DSCAM: variants seen among roughly 807,000 people sequenced by gnomAD.
DSCAM encodes cell adhesion molecule DSCAM.
DSCAM carries 47 observed loss-of-function variants against 217.7 expected under a neutral mutation model. The ratio of observed to expected loss-of-function variants is 0.22; its 90% CI spans 0.17 to 0.28. The LOEUF (loss-of-function observed/expected upper bound fraction) is 0.28, where lower values mean the gene tolerates loss of function less well. Ranked by LOEUF, DSCAM falls within the 10% of genes least tolerant of loss-of-function variation. The probability of loss-of-function intolerance (pLI) is 1.00; values close to 1 mark genes in which losing one functional copy is unlikely to be tolerated. For synonymous variants in DSCAM, 1,056 were observed against 1,015.3 expected (o/e 1.04, Z -0.76); for missense variants, 2,080 against 2,618.3 (o/e 0.79, Z 4.49).
intron 1 of DSCAM, among the ~76,000 whole-genome samples, chr21:40,827,091 C>T (rs1232887746): frequency 1.3e-5 from 2 of 151,992 alleles, no homozygotes; most frequent in African/African-American, 4.8e-5. Flanking sequence ...AGGGAAGAAG[C>T]TCACCAAAGA....
intron 1 of DSCAM, among the ~76,000 whole-genome samples, chr21:40,821,223 T>TA (rs1285717072): frequency 1.3e-5 from 2 of 151,244 alleles, no homozygotes; most frequent in Non-Finnish European, 2.9e-5. Context: ...TTTCACAACT[T>TA]AAGAGTCAGT....
At chr21:40,258,116 T>C (rs532272872) in intron 11 of DSCAM, among the ~76,000 whole-genome samples, 1 of 152,300 alleles carries the variant, frequency 6.6e-6, no homozygotes, top group Admixed American at 6.5e-5. Context: ...GCATCTGACC[T>C]GCATCTCCGG....
intron 1 of DSCAM, among the ~76,000 whole-genome samples, chr21:40,776,672 G>A (rs940273226): frequency 6.6e-6 from 1 of 152,152 alleles, no homozygotes; most frequent in African/African-American, 2.4e-5. Flanking sequence ...GATTTAAGGT[G>A]AAGGTGGAAA....
Position 40,466,823 on chromosome 21 carries a change from T to C in DSCAM, c.509-97578A>G, listed in dbSNP as rs367726447. On this transcript the variant is annotated intron_variant, in intron 3 of 32. Transcript: ENST00000400454. ...AGAGTGGACAAGGTTCCAATGATACTGTGGCTTCTCCCGGACAAATACATG... is the reference window on the plus strand; with the variant it reads ...AGAGTGGACAAGGTTCCAATGATACCGTGGCTTCTCCCGGACAAATACATG... 3.1e-4 allele frequency among the ~76,000 whole-genome samples: 47 copies of C among 152,354 alleles called. No individual in the cohort carries two copies. The South Asian group carries it at 9.1e-3, about 30-fold the overall frequency.
chr21:40,138,994 T>C (rs1267435341), intron 18 of DSCAM, among the ~76,000 whole-genome samples: 1 of 140,904 alleles, frequency 7.1e-6, no homozygotes, highest in Non-Finnish European at 1.5e-5. Context: ...CCTGGGGTTA[T>C]GGTGTGTGGT....
At chr21:40,426,631 T>A (rs1301134369) in intron 3 of DSCAM, among the ~76,000 whole-genome samples, 1 of 152,098 alleles carries the variant, frequency 6.6e-6, no homozygotes, top group Non-Finnish European at 1.5e-5. Context: ...TTCTAGAGAG[T>A]ACTATGACAT....
intron 14 of DSCAM, among the ~76,000 whole-genome samples, chr21:40,180,457 C>T (rs1882788): frequency 0.068 from 10,267 of 151,876 alleles, 1,111 homozygotes; most frequent in African/African-American, 0.23. Context: ...ACATGAAATA[C>T]AAAGAGTTGG....
At chr21:40,205,365 G>A (rs2146865921) in intron 11 of DSCAM, among the ~76,000 whole-genome samples, 1 of 152,268 alleles carries the variant, frequency 6.6e-6, no homozygotes, top group African/African-American at 2.4e-5. Context: ...CACTTTGGGA[G>A]GCCAAGGCAG....
intron 27 of DSCAM, 38 bp downstream of exon 27, chr21:40,074,999 G>A (rs746223683): frequency 6.2e-7 from 1 of 1,605,738 alleles, no homozygotes. Flanking sequence ...CAGAGCAGCA[G>A]GGGACACGCG....
chr21:40,062,797 T>C (rs2089143445), intron 28 of DSCAM, 72 bp downstream of exon 28: 1 of 1,419,058 alleles, frequency 7.0e-7, no homozygotes, highest in Non-Finnish European at 9.5e-7. Context: ...ATTAAAAAAA[T>C]AGAAATCATC....
chr21:40,746,748 C>T (rs1207992412), intron 1 of DSCAM, among the ~76,000 whole-genome samples: 2 of 151,816 alleles, frequency 1.3e-5, no homozygotes, highest in Non-Finnish European at 2.9e-5. Context: ...GAACTTTCCA[C>T]CCAATAGATT....
chr21:40,463,233 T>C (rs763142358), intron 3 of DSCAM, among the ~76,000 whole-genome samples: 2 of 151,920 alleles, frequency 1.3e-5, no homozygotes, highest in Non-Finnish European at 2.9e-5. Context: ...CAAGGAGTTA[T>C]CTGGGAATTT....
At chr21:40,197,011 C>T (rs1221210556) in intron 11 of DSCAM, among the ~76,000 whole-genome samples, 1 of 152,176 alleles carries the variant, frequency 6.6e-6, no homozygotes, top group Admixed American at 6.5e-5. Flanking sequence ...AAACCAGACA[C>T]CAAACACCGC....
intron 1 of DSCAM, among the ~76,000 whole-genome samples, chr21:40,764,113 G>C (rs1350195903): frequency 6.6e-6 from 1 of 152,108 alleles, no homozygotes; most frequent in Non-Finnish European, 1.5e-5. Context: ...ATTAACTAAA[G>C]AGCTTCAGCT....
chr21:40,431,272 C>A (rs192880943), intron 3 of DSCAM, among the ~76,000 whole-genome samples: 1 of 152,292 alleles, frequency 6.6e-6, no homozygotes, highest in East Asian at 1.9e-4. Context: ...CTGCCTCTGC[C>A]CCTCCTGAGA....
intron 1 of DSCAM, among the ~76,000 whole-genome samples, chr21:40,722,158 C>T (rs1238014961): frequency 6.6e-6 from 1 of 151,974 alleles, no homozygotes; most frequent in Non-Finnish European, 1.5e-5. Flanking sequence ...ACTAGCAATA[C>T]AAAAATCGTT....
At chr21:40,146,275 T>C (rs9979203) in intron 16 of DSCAM, among the ~76,000 whole-genome samples, 1 of 131,316 alleles carries the variant, frequency 7.6e-6, no homozygotes, top group Non-Finnish European at 1.5e-5. Flanking sequence ...GGGGGGGAGG[T>C]GGCGGGGCAC....
chr21:40,501,818 C>T (rs2076172158), intron 3 of DSCAM, among the ~76,000 whole-genome samples: 1 of 152,168 alleles, frequency 6.6e-6, no homozygotes, highest in African/African-American at 2.4e-5. Context: ...TCCGGAACTC[C>T]CGACCTCAGG....
intron 16 of DSCAM, among the ~76,000 whole-genome samples, chr21:40,156,062 ATAT>A (rs1465276288): frequency 1.7e-5 from 1 of 59,792 alleles, no homozygotes; most frequent in Non-Finnish European, 3.5e-5. Flanking sequence ...CCTATATATA[ATAT>A]AATTTATATT....
Sources: allele counts gnomAD v4.1 joint callset (sites outside exome capture counted in the v4.1 genomes callset), GRCh38; gene constraint gnomAD v4.1.1; transcripts MANE v1.5; gene names NCBI Gene and HGNC (gene_info 2026-07-23, HGNC 2026-07-21).